Variants in SIL1 observed in about 807,000 individuals in gnomAD.
SIL1 encodes the protein SIL1 nucleotide exchange factor, also known as nucleotide exchange factor SIL1.
In SIL1, 40 loss-of-function variants were observed where a neutral mutation model predicts 49.1. That is an observed-to-expected ratio of 0.81 (90% CI 0.63 to 1.06). SIL1 has a LOEUF of 1.06. SIL1 is among the 50% of genes least tolerant of loss of function. SIL1 has a pLI of 0.00. For missense variants in SIL1, 500 were observed against 572.6 expected, an observed-to-expected ratio of 0.87 and a Z score of 1.29; for synonymous variants, 253 against 250.8, an observed-to-expected ratio of 1.01 and a Z score of -0.08.
chr5:139,022,988 T>A (rs1200715609), intron 6 of SIL1, among the ~76,000 whole-genome samples: 2 of 152,190 alleles, frequency 1.3e-5, no homozygotes, highest in East Asian at 3.8e-4. Context: ...ATAAAGCTGG[T>A]ATGAGTTCCT....
chr5:139,149,466 A>T (rs944298758), intron 1 of SIL1, among the ~76,000 whole-genome samples: 1 of 152,198 alleles, frequency 6.6e-6, no homozygotes, highest in African/African-American at 2.4e-5. Flanking sequence ...GGTGCTGCAG[A>T]TACAAATAGG....
intron 5 of SIL1, among the ~76,000 whole-genome samples, chr5:139,036,332 A>T (rs1337257096): frequency 6.6e-6 from 1 of 152,162 alleles, no homozygotes; most frequent in Non-Finnish European, 1.5e-5. Context: ...ATATGGTATA[A>T]GGAAAGGGTC....
At chr5:139,166,741 C>A (rs988547847) in intron 1 of SIL1, among the ~76,000 whole-genome samples, 2 of 151,808 alleles carry the variant, frequency 1.3e-5, no homozygotes, top group South Asian at 4.2e-4. Flanking sequence ...ACTTTCCAGG[C>A]TCAGGTGATT....
chr5:138,985,532 A>G (rs182504994), intron 7 of SIL1, among the ~76,000 whole-genome samples: 6 of 152,216 alleles, frequency 3.9e-5, no homozygotes, highest in African/African-American at 1.4e-4. Context: ...CTAACCCAGC[A>G]CGCTGCCAGG....
Position 139,050,970 on chromosome 5 carries a change from C to T in SIL1, c.321G>A (p.Glu107=). ...TGEREAKLQY[E]DKFRNNLKGK... is the part of the protein sequence containing the mutation. ...CTTTCAAATTATTTCGGAACTTGTC[C>T]TCATATTGGAGTTTTGCCTCTCTTT... Residue 107 remains glutamate, a synonymous_variant, in exon 4 of 10, where the codon GAG becomes GAA. Coordinates refer to ENST00000394817, the MANE Select transcript of SIL1 (RefSeq NM_022464.5). The T allele has an allele frequency of 6.2e-7, 1 of 1,614,154 alleles. No individual in the cohort carries two copies. The highest frequency in any genetic ancestry group is 8.5e-7 in the Non-Finnish European group (1 of 1,180,014).
intron 7 of SIL1, among the ~76,000 whole-genome samples, chr5:138,999,609 G>A (rs2150410890): frequency 6.6e-6 from 1 of 152,268 alleles, no homozygotes; most frequent in Non-Finnish European, 1.5e-5. Context: ...AGCTATGACT[G>A]CGCCATTATA....
intron 3 of SIL1, among the ~76,000 whole-genome samples, chr5:139,104,362 C>G (rs903448620): frequency 6.6e-6 from 1 of 152,200 alleles, no homozygotes; most frequent in African/African-American, 2.4e-5. Context: ...GCCAGAAGTC[C>G]TCTCTCTGTT....
At chr5:139,075,345 AGCAGG>A (rs1308338844) in intron 3 of SIL1, among the ~76,000 whole-genome samples, 3 of 152,180 alleles carry the variant, frequency 2.0e-5, no homozygotes, top group Non-Finnish European at 4.4e-5. Context: ...TTCCCTCTGC[AGCAGG>A]AGATATCTCA....
chr5:139,137,343 GC>G (rs1238805357), intron 1 of SIL1: 1 of 701,604 alleles, frequency 1.4e-6, no homozygotes. Flanking sequence ...CAGAGTTCAT[GC>G]AGCCACAGAG....
chr5:138,951,240 C>T lies in SIL1; in HGVS notation c.960G>A (p.Val320=). Residue 320 remains valine (V), a synonymous_variant, in exon 9 of 10, where the codon GTG becomes GTA. Coordinates refer to ENST00000394817, the MANE Select transcript of SIL1 (RefSeq NM_022464.5). The part of the protein sequence containing the change: ...LGGLQVLRTL[V]QEKGTEVLAV... Reference sequence around the variant, plus strand: ...CGAGCACCTCCGTGCCCTTCTCCTGCACCAGGGTCCTCAGGACCTGCAGCC... The same window carrying T: ...CGAGCACCTCCGTGCCCTTCTCCTGTACCAGGGTCCTCAGGACCTGCAGCC... 4.4e-6 allele frequency: 7 copies of T among 1,603,036 alleles called. No individual in the cohort carries two copies. The highest frequency in any genetic ancestry group is 6.0e-6 in the Non-Finnish European group (7 of 1,174,590).
At chr5:138,983,810 C>T (rs1767587684) in intron 7 of SIL1, among the ~76,000 whole-genome samples, 1 of 151,614 alleles carries the variant, frequency 6.6e-6, no homozygotes, top group Non-Finnish European at 1.5e-5. Flanking sequence ...AAGTGAGCAT[C>T]CCTCCTCCCA....
intron 1 of SIL1, among the ~76,000 whole-genome samples, chr5:139,145,636 G>C (rs1184028868): frequency 1.7e-4 from 1 of 5,942 alleles, no homozygotes; most frequent in Non-Finnish European, 2.7e-4. Context: ...GGGCGTGTGT[G>C]TGTGTGTGTG....
intron 4 of SIL1, among the ~76,000 whole-genome samples, chr5:139,047,841 G>A (rs1403429170): frequency 1.3e-5 from 2 of 152,212 alleles, no homozygotes; most frequent in Non-Finnish European, 2.9e-5. Context: ...TGAGAAGGAA[G>A]AAGAAAGGTC....
intron 1 of SIL1, among the ~76,000 whole-genome samples, chr5:139,152,327 T>C (rs1751315976): frequency 6.6e-6 from 1 of 152,184 alleles, no homozygotes; most frequent in African/African-American, 2.4e-5. Context: ...TTATTTAGAA[T>C]GTAGAGGGAT....
rs573418663 is a variant in SIL1 at position 138,967,712 on chromosome 5, G to A, written c.768-15828C>T. On this transcript the variant is annotated intron_variant, in intron 7 of 9. Transcript: ENST00000394817. Reference sequence around the variant, plus strand: ...AAAAATACAAGAATAAAGACAAAGTGTGGATATCAATGCCACATGGGCCTC... The same window carrying A: ...AAAAATACAAGAATAAAGACAAAGTATGGATATCAATGCCACATGGGCCTC... 3.1e-3 allele frequency among the ~76,000 whole-genome samples: 473 copies of A among 152,312 alleles called. 2 individuals are homozygous for A. The highest frequency in any genetic ancestry group is 0.011 in the African/African-American group (461 of 41,564).
intron 7 of SIL1, among the ~76,000 whole-genome samples, chr5:138,957,653 A>G (rs75421288): frequency 0.023 from 3,490 of 152,250 alleles, 131 homozygotes; most frequent in African/African-American, 0.08. Context: ...ATCCAGATTC[A>G]CCAATTGTGG....
chr5:139,018,867 T>C (rs535993016), intron 7 of SIL1, among the ~76,000 whole-genome samples: 1 of 152,238 alleles, frequency 6.6e-6, no homozygotes, highest in East Asian at 1.9e-4. Context: ...AGAACACCTA[T>C]TATTGTTCCC....
At chr5:139,111,580 T>C (rs374713845) in intron 3 of SIL1, among the ~76,000 whole-genome samples, 3 of 152,184 alleles carry the variant, frequency 2.0e-5, no homozygotes, top group Admixed American at 6.5e-5. Context: ...GCAACCTCTG[T>C]CATGCCCACC....
At chr5:138,973,366 T>C (rs1387552296) in intron 7 of SIL1, among the ~76,000 whole-genome samples, 1 of 151,908 alleles carries the variant, frequency 6.6e-6, no homozygotes, top group Non-Finnish European at 1.5e-5. Flanking sequence ...ATCATGTAAG[T>C]TCATGGTAAA....
Sources: allele counts gnomAD v4.1 joint callset (sites outside exome capture counted in the v4.1 genomes callset), GRCh38; gene constraint gnomAD v4.1.1; transcripts MANE v1.5; gene names NCBI Gene and HGNC (gene_info 2026-07-23, HGNC 2026-07-21).